CTU2: variants seen among roughly 807,000 people sequenced by gnomAD.
CTU2 encodes the protein cytosolic thiouridylase subunit 2, also known as cytoplasmic tRNA 2-thiolation protein 2.
Under a neutral mutation model 64.1 loss-of-function variants are expected in CTU2, and 80 were observed. That is an observed-to-expected ratio of 1.25 (90% CI 1.04 to 1.50). The LOEUF is 1.50. CTU2 is among the 40% of genes most tolerant of loss of function. The probability of loss-of-function intolerance (pLI) is 0.00; values close to 1 mark genes in which losing one functional copy is unlikely to be tolerated. For missense variants in CTU2, 1,110 were observed against 690.2 expected (o/e 1.61, Z -6.81); for synonymous variants, 482 against 285.3 (o/e 1.69, Z -6.95).
At chr16:88,709,726 A>T (rs1911165268) in intron 2 of CTU2, 3 of 579,376 alleles carry the variant, frequency 5.2e-6, no homozygotes, top group African/African-American at 1.9e-5. Flanking sequence ...TGGTCGTGGG[A>T]GGGGCCGGTG....
intron 2 of CTU2, among the ~76,000 whole-genome samples, chr16:88,707,797 T>TTTGTTG (rs1054843462): frequency 1.9e-5 from 1 of 52,270 alleles, no homozygotes; most frequent in South Asian, 6.2e-4. Context: ...GCGTGGTTTT[T>TTTGTTG]TTGTTGTTGT....
At position 88,713,867 on chromosome 16, in the gene CTU2, C is replaced by T. The variant is rs1047810352; in HGVS notation, c.1005+89C>T. 3.3e-6 allele frequency: 5 copies of T among 1,532,342 alleles called. No individual in the cohort carries two copies. In the African/African-American group the frequency reaches 4.1e-5, roughly 13 times the overall value. 94.9% of individuals were successfully genotyped at this position (1,532,342 alleles called of 1,614,324 possible). ...GCAGCCTCTCACAGGCTCAGGTCACCAGCACACCTTCAGTGACTCCTGCTG... is the reference window on the plus strand; with the variant it reads ...GCAGCCTCTCACAGGCTCAGGTCACTAGCACACCTTCAGTGACTCCTGCTG... On this transcript the variant is annotated intron_variant, in intron 9 of 14. Transcript: ENST00000453996.
intron 2 of CTU2, among the ~76,000 whole-genome samples, chr16:88,708,072 C>T (rs766259207): frequency 1.6e-4 from 24 of 152,172 alleles, no homozygotes; most frequent in Admixed American, 2.6e-4. Flanking sequence ...CCTCGGCCTC[C>T]CAAAGTGCTG....
rs546968952 is a variant in CTU2 at position 88,709,701 on chromosome 16, T to A, written c.144-237T>A. The stretch of plus-strand genomic sequence containing the variant: ...GTTTGCTGGATGCAGCCTCCGTGGC[T>A]GTGCAGTTTGTACCTGGTCGTGGGA... On this transcript the variant is annotated intron_variant, in intron 2 of 14. Coordinates refer to ENST00000453996, the MANE Select transcript of CTU2 (RefSeq NM_001012759.3). 1.2e-3 allele frequency: 663 copies of A among 548,882 alleles called. 1 individual carries two copies. Among genetic ancestry groups the A allele is most frequent in the Non-Finnish European group, 1.8e-3 (567 of 307,184 alleles). 34.0% of individuals were successfully genotyped at this position (548,882 alleles called of 1,614,324 possible).
At position 88,711,713 on chromosome 16, in the gene CTU2, T is replaced by G. The variant is rs1911335292; in HGVS notation, c.343+18T>G. Reference sequence around the variant, plus strand: ...TGTTGACGGTATGTGGGGCCATTGCTCCTCCTAGTCCCTGGCCACTTGGGG... The same window carrying G: ...TGTTGACGGTATGTGGGGCCATTGCGCCTCCTAGTCCCTGGCCACTTGGGG... On this transcript the variant is annotated intron_variant, in intron 5 of 14. Coordinates refer to ENST00000453996, the MANE Select transcript of CTU2 (RefSeq NM_001012759.3). 6.2e-7 allele frequency: 1 copy of G among 1,601,946 alleles called. No individual in the cohort carries two copies. Among genetic ancestry groups the G allele is most frequent in the Non-Finnish European group, 8.5e-7 (1 of 1,171,896 alleles).
At chr16:88,713,826 G>A (rs200722683) in intron 9 of CTU2, 48 bp downstream of exon 9, 9 of 1,607,476 alleles carry the variant, frequency 5.6e-6, no homozygotes, top group East Asian at 2.2e-5. Context: ...ACACCGGGGT[G>A]GGCCATGTGG....
chr16:88,714,895 G>C lies in CTU2; in HGVS notation c.1388G>C (p.Cys463Ser), dbSNP rs1158824565. 2 of 1,612,524 alleles carry C rather than the reference G, an allele frequency of 1.2e-6. No homozygotes were observed. The highest frequency in any genetic ancestry group is 3.3e-5 in the Admixed American group (2 of 59,998). Residue 463 changes from cysteine (C) to serine (S), a missense_variant, in exon 13 of 15, where the codon TGC becomes TCC. Coordinates refer to ENST00000453996, the MANE Select transcript of CTU2 (RefSeq NM_001012759.3). ...CAAGCCTGCATTGAGGAGCAGCTGT[G>C]CTACAGCTGCCGCGTGAACATGAAG... ...DPQACIEEQL[C>S]YSCRVNMKDL... is the part of the protein sequence containing the mutation.
In CTU2 at chr16:88,714,045, G is replaced by A. The variant is rs1405698323; in HGVS notation, c.1006-91G>A. 1.1e-4 allele frequency: 138 copies of A among 1,301,178 alleles called. 2 individuals carry two copies. In the South Asian group the frequency reaches 1.3e-3, roughly 12 times the overall value. 80.6% of individuals were successfully genotyped at this position (1,301,178 alleles called of 1,614,324 possible). A position where few individuals can be genotyped will look rare whatever the true frequency, so the allele number is the denominator to read the frequency against. On this transcript the variant is annotated intron_variant, in intron 9 of 14. Coordinates refer to ENST00000453996, the MANE Select transcript of CTU2 (RefSeq NM_001012759.3). ...AGCCAGACCCATGTGGGCCAGCAGCGTGGAACCCACGGCACCTGTCCTGGG... is the reference window on the plus strand; with the variant it reads ...AGCCAGACCCATGTGGGCCAGCAGCATGGAACCCACGGCACCTGTCCTGGG...
chr16:88,710,477 CG>C, intron 4 of CTU2, 195 bp downstream of exon 4: 1 of 584,858 alleles, frequency 1.7e-6, no homozygotes. Flanking sequence ...TGTGTGTGTG[CG>C]GCCCACTCTC....
intron 4 of CTU2, 162 bp downstream of exon 4, chr16:88,710,444 C>G (rs1044140528): frequency 2.3e-5 from 15 of 652,074 alleles, no homozygotes; most frequent in Non-Finnish European, 3.9e-5. Context: ...AACAGGTGCA[C>G]CAATCAGGAG....
At chr16:88,710,356 C>A in intron 4 of CTU2, 74 bp downstream of exon 4, 1 of 1,502,800 alleles carries the variant, frequency 6.7e-7, no homozygotes, top group Non-Finnish European at 9.2e-7. Flanking sequence ...TCTCAGCCTG[C>A]TGAGGGGCTC....
chr16:88,713,834 T>G, intron 9 of CTU2, 56 bp downstream of exon 9: 1 of 1,605,146 alleles, frequency 6.2e-7, no homozygotes. Context: ...GTGGGCCATG[T>G]GGGCTGGGCA....
At position 88,714,375 on chromosome 16, in the gene CTU2, G is replaced by T. The variant is rs377604379; in HGVS notation, c.1098-8G>T. 6.8e-6 allele frequency: 11 copies of T among 1,612,114 alleles called. No homozygotes were observed. The highest frequency in any genetic ancestry group is 1.7e-5 in the Admixed American group (1 of 59,992). On this transcript the variant is annotated splice_region_variant and splice_polypyrimidine_tract_variant and intron_variant, in intron 10 of 14. Transcript: ENST00000453996. ...GATTCACCTGCTCCTCCCACAATCC[G>T]GCCACAGGACAAGTGAGAAGCTGGT...
At position 88,715,369 on chromosome 16, in the gene CTU2, T is replaced by C; in HGVS notation, c.*118T>C. The C allele has an allele frequency of 1.6e-6, 2 of 1,215,526 alleles. No individual in the cohort carries two copies. Among genetic ancestry groups the C allele is most frequent in the Non-Finnish European group, 2.3e-6 (2 of 886,560 alleles). 75.3% of individuals were successfully genotyped at this position (1,215,526 alleles called of 1,614,324 possible). A position where few individuals can be genotyped will look rare whatever the true frequency, so the allele number is the denominator to read the frequency against. On this transcript the variant is annotated 3_prime_UTR_variant, in exon 15 of 15. Transcript: ENST00000453996. ...TGTCCATTTGTATAAATAAAACATT[T>C]TTTAATTAAAAAAAAAACTCTACAG...
intron 5 of CTU2, 142 bp from the exon 6 acceptor site, chr16:88,712,132 T>C: frequency 1.3e-6 from 1 of 764,562 alleles, no homozygotes; most frequent in Non-Finnish European, 2.3e-6. Context: ...CAAAGGAAAA[T>C]GGCCGACACC....
chr16:88,714,651 C>A lies in CTU2; in HGVS notation c.1266C>A (p.Pro422=), dbSNP rs773899378. ...TCTCCCAGATGCAGTCACCCATCCC[C>A]CTGACTGAGACCCGGACACCCCCGG... ...SRLSQMQSPI[P]LTETRTPPGP... Residue 422 remains proline, a synonymous_variant, in exon 12 of 15, where the codon CCC becomes CCA. Transcript: ENST00000453996. 2 of 1,612,588 alleles carry A rather than the reference C, an allele frequency of 1.2e-6. No homozygotes were observed. The highest frequency in any genetic ancestry group is 1.7e-6 in the Non-Finnish European group (2 of 1,179,864).
At chr16:88,708,486 C>T (rs973734783) in intron 2 of CTU2, among the ~76,000 whole-genome samples, 5 of 152,008 alleles carry the variant, frequency 3.3e-5, no homozygotes, top group East Asian at 1.9e-4. Context: ...GTCCACAGTG[C>T]GGAGGTGAAG....
At chr16:88,714,309 C>T (rs549166093) in intron 10 of CTU2, 74 bp from the exon 11 acceptor site, 162 of 1,597,592 alleles carry the variant, frequency 1.0e-4, no homozygotes, top group Non-Finnish European at 1.2e-4. Context: ...GCTCACCACT[C>T]GTGCTCAGGC....
intron 2 of CTU2, 128 bp downstream of exon 2, chr16:88,707,338 G>A: frequency 4.6e-6 from 4 of 878,274 alleles, no homozygotes; most frequent in Admixed American, 2.1e-5. Flanking sequence ...CTCCTGATGG[G>A]GTCCCTCGTG....
Sources: allele counts gnomAD v4.1 joint callset (sites outside exome capture counted in the v4.1 genomes callset), GRCh38; gene constraint gnomAD v4.1.1; transcripts MANE v1.5; gene names NCBI Gene and HGNC (gene_info 2026-07-23, HGNC 2026-07-21).